The following MORC3 variants were observed in gnomAD, a reference collection of about 807,000 sequenced individuals.
MORC3 encodes the protein MORC family CW-type zinc finger protein 3.
A neutral mutation model predicts 109.1 loss-of-function variants in MORC3; 31 were observed. That is an observed-to-expected ratio of 0.28 (90% CI 0.21 to 0.38). The LOEUF (loss-of-function observed/expected upper bound fraction) is 0.38, where lower values mean the gene tolerates loss of function less well. Ranked by LOEUF, MORC3 falls within the 10% of genes least tolerant of loss-of-function variation. MORC3 has a pLI of 1.00. For synonymous variants in MORC3, 395 were observed against 380.7 expected, an observed-to-expected ratio of 1.04 and a Z score of -0.44; for missense variants, 867 against 1,135.8, an observed-to-expected ratio of 0.76 and a Z score of 3.40.
intron 6 of MORC3, 29 bp from the exon 7 acceptor site, chr21:36,344,549 AT>A: frequency 6.2e-7 from 1 of 1,606,934 alleles, no homozygotes; most frequent in African/African-American, 1.3e-5. Context: ...AAACCTGTAG[AT>A]ACTAACTTCT....
At chr21:36,361,811 C>G in intron 12 of MORC3, 1 of 178,948 alleles carries the variant, frequency 5.6e-6, no homozygotes, top group South Asian at 1.2e-4. Context: ...TGCTTGAACC[C>G]GGGAGGCAGA....
chr21:36,370,631 ATATATATATTTTTTTT>A (rs1569110724), intron 15 of MORC3, among the ~76,000 whole-genome samples: 1 of 23,812 alleles, frequency 4.2e-5, no homozygotes, highest in African/African-American at 1.3e-4. Flanking sequence ...ATATATATAT[ATATATATATTTTTTTT>A]TTTTTTTTTT....
At position 36,356,696 on chromosome 21, in the gene MORC3, C is replaced by G; in HGVS notation, c.1180C>G (p.Pro394Ala). 6.3e-7 allele frequency: 1 copy of G among 1,595,496 alleles called. No homozygotes were observed. Residue 394 changes from proline to alanine, a missense_variant, in exon 10 of 17, where the codon CCT (proline) becomes GCT (alanine). Pro to Ala is a conservative substitution (Grantham distance 27). Coordinates refer to ENST00000400485, the MANE Select transcript of MORC3 (RefSeq NM_015358.3). Reference protein sequence around the residue: ...EMKVKKNTEYPLNLPVEDIQK... With the variant: ...EMKVKKNTEYALNLPVEDIQK... ...GAAAGTGAAGAAAAATACAGAATAT[C>G]CTCTAAATTTGCCAGTTGAAGATAT...
chr21:36,329,915 T>A (rs2085295699), intron 1 of MORC3, among the ~76,000 whole-genome samples: 1 of 151,958 alleles, frequency 6.6e-6, no homozygotes, highest in African/African-American at 2.4e-5. Flanking sequence ...CAGATTGGAG[T>A]GCAATGACCT....
intron 6 of MORC3, among the ~76,000 whole-genome samples, chr21:36,343,727 A>G (rs933889363): frequency 3.9e-5 from 6 of 152,120 alleles, no homozygotes; most frequent in Admixed American, 2.0e-4. Flanking sequence ...GATTACAGGA[A>G]TGAGCCACCT....
intron 15 of MORC3, among the ~76,000 whole-genome samples, chr21:36,371,814 T>C (rs1219664191): frequency 7.8e-6 from 1 of 128,016 alleles, no homozygotes; most frequent in East Asian, 1.9e-4. Context: ...TGTTTTGTTT[T>C]GTTTTTTTTT....
chr21:36,343,498 G>C (rs1236901290), intron 6 of MORC3, among the ~76,000 whole-genome samples: 1 of 150,030 alleles, frequency 6.7e-6, no homozygotes, highest in South Asian at 2.1e-4. Flanking sequence ...GCCTAGGCTG[G>C]AGTGCAGTGG....
chr21:36,327,060 C>T (rs2085255334), intron 1 of MORC3, among the ~76,000 whole-genome samples: 1 of 151,850 alleles, frequency 6.6e-6, no homozygotes, highest in African/African-American at 2.4e-5. Context: ...GGTGATCCGC[C>T]CACCTCAGCC....
chr21:36,374,909 C>T (rs1392710460), intron 16 of MORC3, among the ~76,000 whole-genome samples: 4 of 152,132 alleles, frequency 2.6e-5, no homozygotes, highest in African/African-American at 9.7e-5. Context: ...TGGGCTCCAG[C>T]GATCTCCCTC....
chr21:36,329,382 G>A (rs566745164), intron 1 of MORC3, among the ~76,000 whole-genome samples: 1 of 152,250 alleles, frequency 6.6e-6, no homozygotes, highest in African/African-American at 2.4e-5. Flanking sequence ...CATGGGGGCT[G>A]AGGGTTGGAC....
At chr21:36,321,935 C>T (rs1043995216) in intron 1 of MORC3, among the ~76,000 whole-genome samples, 2 of 152,168 alleles carry the variant, frequency 1.3e-5, no homozygotes, top group African/African-American at 4.8e-5. Flanking sequence ...GCATTGTTAG[C>T]GGGCACTCTG....
At chr21:36,333,776 TTTG>T (rs1164111619) in intron 2 of MORC3, 58 bp downstream of exon 2, 18 of 1,312,784 alleles carry the variant, frequency 1.4e-5, no homozygotes, top group South Asian at 2.6e-5. Context: ...TGTTTTTTTT[TTTG>T]TTTTGTTTTG....
intron 1 of MORC3, among the ~76,000 whole-genome samples, chr21:36,332,790 CTT>C (rs71197001): frequency 5.0e-5 from 7 of 139,834 alleles, no homozygotes; most frequent in Admixed American, 1.4e-4. Context: ...GGAACTCTTT[CTT>C]TTTTTTTTTT....
intron 8 of MORC3, among the ~76,000 whole-genome samples, 176 bp from the exon 9 acceptor site, chr21:36,349,135 G>A (rs1157784129): frequency 6.6e-6 from 1 of 151,916 alleles, no homozygotes; most frequent in Non-Finnish European, 1.5e-5. Context: ...TCCAGCCTGG[G>A]TGACCAAATG....
rs753654013 is a variant in MORC3 at position 36,341,536 on chromosome 21, A to C, written c.746A>C (p.Tyr249Ser). Residue 249 changes from tyrosine to serine, a missense_variant, in exon 6 of 17, where the codon TAT becomes TCT. By Grantham distance (144) the Tyr-to-Ser change is moderately radical (BLOSUM62 -2). This residue lies in a region of MORC3 where 134 missense variants were observed against 166.6 expected (regional missense o/e 0.80). Transcript: ENST00000400485. ...RMDQIAPESDYSLRAYCSILY... is the reference protein window; with the variant it reads ...RMDQIAPESDSSLRAYCSILY... The stretch of plus-strand genomic sequence containing the variant: ...GACCAGATTGCCCCTGAGAGTGACT[A>C]TTCCCTGAGGGTATGTATTCAGCTC... 7 of 1,613,996 alleles carry C rather than the reference A, an allele frequency of 4.3e-6. No homozygotes were observed. Among genetic ancestry groups the C allele is most frequent in the Non-Finnish European group, 5.9e-6 (7 of 1,180,004 alleles).
chr21:36,371,815 GT>G (rs545030354), intron 15 of MORC3, among the ~76,000 whole-genome samples: 8,248 of 124,192 alleles, frequency 0.066, 307 homozygotes, highest in African/African-American at 0.19. Flanking sequence ...GTTTTGTTTT[GT>G]TTTTTTTTTT....
intron 1 of MORC3, among the ~76,000 whole-genome samples, chr21:36,331,065 A>C (rs1486482058): frequency 6.6e-6 from 1 of 152,246 alleles, no homozygotes; most frequent in African/African-American, 2.4e-5. Context: ...GGAATTGTCC[A>C]GAAGCAAGTG....
Position 36,320,210 on chromosome 21 carries a change from C to A in MORC3, c.-55C>A. 2 of 1,557,814 alleles carry A rather than the reference C, an allele frequency of 1.3e-6. No individual in the cohort carries two copies. Among genetic ancestry groups the A allele is most frequent in the Non-Finnish European group, 1.7e-6 (2 of 1,150,742 alleles). The stretch of plus-strand genomic sequence containing the variant: ...CCATAGGGCTCCACAGTCGTTCCGC[C>A]ACCTCCCAGTCGGGTTGCGGCGGAG... On this transcript the variant is annotated 5_prime_UTR_variant, in exon 1 of 17. Transcript: ENST00000400485.
intron 8 of MORC3, chr21:36,348,394 C>T (rs1266749183): frequency 6.6e-6 from 1 of 152,130 alleles, no homozygotes; most frequent in African/African-American, 2.4e-5. Flanking sequence ...TAGAGGTAGT[C>T]CTCTTTTCTT....
Sources: gnomAD v4.1 joint callset for allele counts (sites outside exome capture counted in the v4.1 genomes callset) on GRCh38, gnomAD v4.1.1 for gene constraint, gnomAD v4.1.1 regional missense constraint, MANE v1.5 for transcripts, NCBI Gene and HGNC (gene_info 2026-07-23, HGNC 2026-07-21) for gene names.